Variants in DNM3 observed in about 807,000 individuals in gnomAD.
DNM3 encodes dynamin 3, also known as dynamin-3.
In DNM3, 47 loss-of-function variants were observed where a neutral mutation model predicts 101.6. The ratio of observed to expected loss-of-function variants is 0.46; its 90% CI spans 0.37 to 0.59. DNM3 has a LOEUF of 0.59. DNM3 is among the 20% of genes least tolerant of loss of function. The pLI, the probability that DNM3 is intolerant of heterozygous loss-of-function variation, is 0.00. For synonymous variants in DNM3, 385 were observed against 387.9 expected, an observed-to-expected ratio of 0.99 and a Z score of 0.09; for missense variants, 849 against 1,085.7, an observed-to-expected ratio of 0.78 and a Z score of 3.06.
chr1:172,036,358 G>A (rs1178407739), intron 6 of DNM3, among the ~76,000 whole-genome samples: 1 of 151,726 alleles, frequency 6.6e-6, no homozygotes, highest in African/African-American at 2.4e-5. Flanking sequence ...TGGCTGCATA[G>A]TATTCCATGG....
intron 14 of DNM3, chr1:172,140,099 T>C (rs955727716): frequency 1.3e-5 from 2 of 152,086 alleles, no homozygotes; most frequent in African/African-American, 2.4e-5. Context: ...TCTTTAATTG[T>C]AAAATTCTGA....
chr1:171,861,320 T>G (rs1159822134), intron 1 of DNM3, among the ~76,000 whole-genome samples: 2 of 152,092 alleles, frequency 1.3e-5, no homozygotes, highest in Non-Finnish European at 2.9e-5. Flanking sequence ...ACAAAACAAG[T>G]TGAAGGACTC....
intron 4 of DNM3, among the ~76,000 whole-genome samples, chr1:172,004,771 G>C (rs1229865539): frequency 6.6e-6 from 1 of 151,960 alleles, no homozygotes; most frequent in Non-Finnish European, 1.5e-5. Context: ...GCATAAAAAA[G>C]AGAACTCAGT....
At chr1:172,336,792 A>C (rs2148948073) in intron 17 of DNM3, among the ~76,000 whole-genome samples, 1 of 151,974 alleles carries the variant, frequency 6.6e-6, no homozygotes, top group African/African-American at 2.4e-5. Context: ...AAGGGAATGC[A>C]GAGTTTTAAA....
chr1:172,416,757 G>A (rs566625513), downstream of DNM3, among the ~76,000 whole-genome samples: 1 of 152,110 alleles, frequency 6.6e-6, no homozygotes, highest in Non-Finnish European at 1.5e-5. Context: ...ATCTCATTGA[G>A]CTCGACAGAA....
At chr1:172,007,581 C>A (rs1035174887) in intron 4 of DNM3, among the ~76,000 whole-genome samples, 2 of 152,010 alleles carry the variant, frequency 1.3e-5, no homozygotes, top group Non-Finnish European at 2.9e-5. Context: ...AGTTTATTTT[C>A]TCATATTCTT....
chr1:171,933,751 G>A (rs1041601703), intron 2 of DNM3, among the ~76,000 whole-genome samples: 4 of 152,168 alleles, frequency 2.6e-5, no homozygotes, highest in Admixed American at 1.3e-4. Flanking sequence ...GCATCTGAAA[G>A]TGGGGGCCAC....
intron 1 of DNM3, among the ~76,000 whole-genome samples, chr1:171,875,246 C>T (rs747471950): frequency 6.6e-6 from 1 of 152,184 alleles, no homozygotes; most frequent in Non-Finnish European, 1.5e-5. Flanking sequence ...AATATCCAAA[C>T]TGCTTTCCAC....
chr1:172,282,965 T>C (rs2063546605), intron 15 of DNM3, among the ~76,000 whole-genome samples: 1 of 152,210 alleles, frequency 6.6e-6, no homozygotes, highest in Non-Finnish European at 1.5e-5. Flanking sequence ...TCAAGTAGCA[T>C]CGCATCAACT....
At chr1:172,359,699 T>C (rs2067644516) in intron 17 of DNM3, among the ~76,000 whole-genome samples, 1 of 151,904 alleles carries the variant, frequency 6.6e-6, no homozygotes, top group Non-Finnish European at 1.5e-5. Flanking sequence ...TATTTAAAAG[T>C]CTTTTAAGTG....
intron 11 of DNM3, among the ~76,000 whole-genome samples, chr1:172,072,662 T>C (rs2052295172): frequency 6.6e-6 from 1 of 152,150 alleles, no homozygotes; most frequent in Non-Finnish European, 1.5e-5. Flanking sequence ...CCAAGGTGGG[T>C]GGATCACCTG....
rs1284085270 is a variant in DNM3 at position 172,273,108 on chromosome 1, T to C, written c.1769+19426T>C. Among the ~76,000 whole-genome samples the C allele has an allele frequency of 5.3e-5, 8 of 152,114 alleles. No individual in the cohort carries two copies. The South Asian group carries it at 8.3e-4, about 16-fold the overall frequency. ...ATTGCAAAAGACAATAGGTAAATTA[T>C]ATACATATGTTAAAAAATAAGAGAA... is the stretch of plus-strand genomic sequence containing the variant. On this transcript the variant is annotated intron_variant, in intron 15 of 20. Transcript: ENST00000627582.
chr1:172,071,086 C>CATATATATAT (rs56255511), intron 11 of DNM3, among the ~76,000 whole-genome samples: 715 of 65,018 alleles, frequency 0.011, 15 homozygotes, highest in African/African-American at 0.018. Context: ...CAAGACCCTG[C>CATATATATAT]ATATATATAT....
chr1:172,096,989 G>C (rs766601511), intron 13 of DNM3, among the ~76,000 whole-genome samples: 11 of 152,092 alleles, frequency 7.2e-5, no homozygotes, highest in Non-Finnish European at 1.5e-4. Context: ...GAATTGGAAG[G>C]GTTATAAAGA....
chr1:171,996,461 G>A (rs538417411), intron 4 of DNM3, among the ~76,000 whole-genome samples: 1 of 152,184 alleles, frequency 6.6e-6, no homozygotes, highest in Non-Finnish European at 1.5e-5. Context: ...TAACATACCT[G>A]TAAACACACC....
chr1:171,977,359 A>G (rs1324026882), intron 2 of DNM3, among the ~76,000 whole-genome samples: 2 of 152,236 alleles, frequency 1.3e-5, no homozygotes, highest in Non-Finnish European at 2.9e-5. Context: ...ATATAAAACC[A>G]CAAGTGAGAA....
chr1:172,282,660 C>G (rs765903303), intron 15 of DNM3, among the ~76,000 whole-genome samples: 2 of 152,188 alleles, frequency 1.3e-5, no homozygotes, highest in African/African-American at 2.4e-5. Flanking sequence ...CTCTGTTTAT[C>G]TACTCCACAT....
intron 4 of DNM3, among the ~76,000 whole-genome samples, chr1:172,027,928 T>C (rs1371591764): frequency 2.0e-5 from 3 of 152,158 alleles, no homozygotes; most frequent in Non-Finnish European, 4.4e-5. Flanking sequence ...ATAAAGCAAG[T>C]TCCTAGAGAC....
intron 15 of DNM3, among the ~76,000 whole-genome samples, chr1:172,261,539 A>C (rs940104879): frequency 4.6e-5 from 7 of 152,242 alleles, no homozygotes; most frequent in Non-Finnish European, 1.0e-4. Context: ...TGGTGGGTCC[A>C]GGAAGGCCAA....
Sources: gnomAD v4.1 joint callset for allele counts (sites outside exome capture counted in the v4.1 genomes callset) on GRCh38, gnomAD v4.1.1 for gene constraint, MANE v1.5 for transcripts, NCBI Gene and HGNC (gene_info 2026-07-23, HGNC 2026-07-21) for gene names.